PPP3CC: variants seen among roughly 807,000 people sequenced by gnomAD.
PPP3CC encodes the protein serine/threonine-protein phosphatase 2B catalytic subunit gamma isoform.
In PPP3CC, 35 loss-of-function variants were observed where a neutral mutation model predicts 60.3. The observed-to-expected ratio is 0.58, with a 90% confidence interval of 0.44 to 0.77. The LOEUF (loss-of-function observed/expected upper bound fraction) is 0.77. Ranked by LOEUF, PPP3CC falls within the 30% of genes least tolerant of loss-of-function variation. The pLI, the probability that PPP3CC is intolerant of heterozygous loss-of-function variation, is 0.00. For missense variants in PPP3CC, 570 were observed against 628.9 expected (o/e 0.91, Z 1.00); for synonymous variants, 206 against 224.3 (o/e 0.92, Z 0.73).
chr8:22,488,969 G>T (rs985336158), intron 3 of PPP3CC, among the ~76,000 whole-genome samples: 2 of 152,154 alleles, frequency 1.3e-5, no homozygotes, highest in East Asian at 3.9e-4. Flanking sequence ...GATAGATGAT[G>T]TCAGGCCTAG....
At chr8:22,530,407 A>G (rs1839674046) in intron 10 of PPP3CC, among the ~76,000 whole-genome samples, 1 of 151,962 alleles carries the variant, frequency 6.6e-6, no homozygotes, top group East Asian at 1.9e-4. Context: ...ATGAGCGGAG[A>G]TCTTGCCACT....
intron 10 of PPP3CC, among the ~76,000 whole-genome samples, chr8:22,529,770 GCCA>G (rs576096656): frequency 3.4e-4 from 52 of 152,296 alleles, no homozygotes; most frequent in African/African-American, 1.2e-3. Context: ...ACAAGCATGA[GCCA>G]CCATGCCCAG....
intron 3 of PPP3CC, among the ~76,000 whole-genome samples, chr8:22,479,263 G>A (rs1166337303): frequency 6.6e-6 from 1 of 151,634 alleles, no homozygotes; most frequent in East Asian, 1.9e-4. Flanking sequence ...GTTGGGAAAT[G>A]CAGAATCTAG....
chr8:22,477,340 G>A (rs1837920427), intron 3 of PPP3CC, among the ~76,000 whole-genome samples: 1 of 152,080 alleles, frequency 6.6e-6, no homozygotes, highest in Admixed American at 6.6e-5. Flanking sequence ...TACCAGGCAT[G>A]GTGGTGGGCG....
intron 1 of PPP3CC, among the ~76,000 whole-genome samples, chr8:22,453,899 A>G (rs192454713): frequency 2.4e-4 from 37 of 152,324 alleles, no homozygotes; most frequent in African/African-American, 8.4e-4. Context: ...TAACATGAAT[A>G]GGGCTTGCAG....
chr8:22,475,665 T>A (rs772940684), intron 3 of PPP3CC, 41 bp downstream of exon 3: 1 of 1,500,248 alleles, frequency 6.7e-7, no homozygotes, highest in South Asian at 1.3e-5. Flanking sequence ...TTATATTGTC[T>A]TTCAAAAAAG....
intron 1 of PPP3CC, among the ~76,000 whole-genome samples, chr8:22,471,414 A>G (rs1302769921): frequency 6.6e-6 from 1 of 151,810 alleles, no homozygotes; most frequent in East Asian, 1.9e-4. Flanking sequence ...TGTCATTGTG[A>G]GAACACCATG....
chr8:22,517,336 C>T (rs1563769188), intron 6 of PPP3CC, among the ~76,000 whole-genome samples: 1 of 152,148 alleles, frequency 6.6e-6, no homozygotes, highest in Non-Finnish European at 1.5e-5. Flanking sequence ...TTTCTTTCTT[C>T]TGGTGTCTTT....
At chr8:22,449,639 T>A (rs1836944846) in intron 1 of PPP3CC, among the ~76,000 whole-genome samples, 3 of 151,756 alleles carry the variant, frequency 2.0e-5, no homozygotes, top group Admixed American at 2.0e-4. Context: ...AAAGTAGTGG[T>A]TTCAGCTGCA....
chr8:22,476,287 A>AT (rs1450910862), intron 3 of PPP3CC, among the ~76,000 whole-genome samples: 3 of 152,250 alleles, frequency 2.0e-5, no homozygotes, highest in Admixed American at 1.3e-4. Context: ...ATGTTCATTG[A>AT]TTCAACTCTA....
chr8:22,459,285 C>T (rs1308701909), intron 1 of PPP3CC, among the ~76,000 whole-genome samples: 2 of 152,154 alleles, frequency 1.3e-5, no homozygotes, highest in Non-Finnish European at 2.9e-5. Flanking sequence ...CTTTTTAATA[C>T]AGAGCTGCAA....
In PPP3CC at chr8:22,441,468, G is replaced by T; in HGVS notation, c.49+10G>T. On this transcript the variant is annotated intron_variant, in intron 1 of 13. Transcript: ENST00000240139. ...GACCGCGTCATCAAAGGTGCCTGGCGGGCCGGGCCTTCCTCTGGGACCCGC... is the reference window on the plus strand; with the variant it reads ...GACCGCGTCATCAAAGGTGCCTGGCTGGCCGGGCCTTCCTCTGGGACCCGC... 2 of 1,532,442 alleles carry T rather than the reference G, an allele frequency of 1.3e-6. No individual in the cohort carries two copies. The allele number at this position is 1,532,442 out of a possible 1,614,324, so 94.9% of individuals were successfully genotyped here. A position where few individuals can be genotyped will look rare whatever the true frequency, so the allele number is the denominator to read the frequency against.
intron 8 of PPP3CC, among the ~76,000 whole-genome samples, chr8:22,524,014 A>G (rs1218377107): frequency 6.6e-6 from 1 of 152,232 alleles, no homozygotes; most frequent in Non-Finnish European, 1.5e-5. Flanking sequence ...ATTTAACAAG[A>G]TACTTCTCTG....
intron 1 of PPP3CC, among the ~76,000 whole-genome samples, chr8:22,472,124 A>G (rs993271176): frequency 6.6e-6 from 1 of 152,008 alleles, no homozygotes; most frequent in African/African-American, 2.4e-5. Context: ...GCGAGATCCT[A>G]TCTCAAAAAC....
In PPP3CC at chr8:22,487,628, A is replaced by AG. The variant is rs747702470; in HGVS notation, c.373-10372dup. ...TGACTGAGTGAGACTCTGTCTAAAG[A>AG]GAAAAAAAAAATAAAAACAAAGTGC... On this transcript the variant is annotated intron_variant, in intron 3 of 13. Coordinates refer to ENST00000240139, the MANE Select transcript of PPP3CC (RefSeq NM_005605.5). Among the ~76,000 whole-genome samples the AG allele has an allele frequency of 3.3e-4, 50 of 150,994 alleles. 1 individual carries two copies. Among genetic ancestry groups the AG allele is most frequent in the Non-Finnish European group, 1.3e-4 (9 of 68,002 alleles).
intron 1 of PPP3CC, among the ~76,000 whole-genome samples, chr8:22,457,918 C>G (rs983666432): frequency 2.6e-5 from 4 of 151,910 alleles, no homozygotes; most frequent in Admixed American, 2.0e-4. Flanking sequence ...ACGGTGAAAC[C>G]CCGTCTCTAC....
At chr8:22,463,205 T>TG (rs1837415193) in intron 1 of PPP3CC, among the ~76,000 whole-genome samples, 1 of 152,198 alleles carries the variant, frequency 6.6e-6, no homozygotes, top group Non-Finnish European at 1.5e-5. Flanking sequence ...TTCTGGCATC[T>TG]GGGAGGTTGT....
intron 1 of PPP3CC, among the ~76,000 whole-genome samples, chr8:22,448,539 T>C (rs10089838): frequency 0.19 from 28,145 of 151,828 alleles, 5,000 homozygotes; most frequent in African/African-American, 0.47. Context: ...ACCACCGCAC[T>C]GGGCTAATTT....
At chr8:22,513,062 A>T (rs926094810) in intron 5 of PPP3CC, among the ~76,000 whole-genome samples, 3 of 151,890 alleles carry the variant, frequency 2.0e-5, no homozygotes, top group African/African-American at 7.3e-5. Flanking sequence ...GGCAATAAGA[A>T]CGAAACTCCG....
Sources: gnomAD v4.1 joint callset for allele counts (sites outside exome capture counted in the v4.1 genomes callset) on GRCh38, gnomAD v4.1.1 for gene constraint, MANE v1.5 for transcripts, NCBI Gene and HGNC (gene_info 2026-07-23, HGNC 2026-07-21) for gene names.